ZNF891: variants seen among roughly 807,000 people sequenced by gnomAD.
ZNF891 encodes the protein hCG1646157.
For synonymous variants in ZNF891, 199 were observed against 209.0 expected (o/e 0.95, Z 0.41); for missense variants, 589 against 632.7 (o/e 0.93, Z 0.74).
In ZNF891 at chr12:133,110,546, ACAAT is replaced by A. The variant is rs1206055455; in HGVS notation, c.*9734_*9737del. 1 of 152,216 alleles carries A rather than the reference ACAAT, an allele frequency of 6.6e-6. No homozygotes were observed. Among genetic ancestry groups the A allele is most frequent in the Non-Finnish European group, 1.5e-5 (1 of 68,044 alleles). 9.4% of individuals were successfully genotyped at this position (152,216 alleles called of 1,614,324 possible). On this transcript the variant is annotated 3_prime_UTR_variant, in exon 2 of 2. Coordinates refer to ENST00000537226, the MANE Select transcript of ZNF891 (RefSeq NM_001277291.2). ...CAATTCTGTATTTTCTTGGAAAGCA[ACAAT>A]CAAATGCTTTGGGAGACTTAAGATA...
rs1955663712 is a variant in ZNF891 at position 133,109,354 on chromosome 12, C to T, written c.*10930G>A. On this transcript the variant is annotated 3_prime_UTR_variant, in exon 2 of 2. Transcript: ENST00000537226. ...CATGGGAGGGGTTGGGTAAAATCTG[C>T]ACAAGAGTCCAAGGGATGCACTGTT... 6.6e-6 allele frequency: 1 copy of T among 152,134 alleles called. No homozygotes were observed. Among genetic ancestry groups the T allele is most frequent in the Non-Finnish European group, 1.5e-5 (1 of 68,026 alleles). The allele number at this position is 152,134 out of a possible 1,614,324, so 9.4% of individuals were successfully genotyped here. A position where few individuals can be genotyped will look rare whatever the true frequency, so the allele number is the denominator to read the frequency against.
In ZNF891 at chr12:133,116,476, G is replaced by A. The variant is rs11614923; in HGVS notation, c.*3808C>T. The A allele has an allele frequency of 0.19, 28,728 of 152,098 alleles. 3,485 individuals are homozygous for A. The highest frequency in any genetic ancestry group is 0.26 in the Non-Finnish European group (17,983 of 68,034). The allele number at this position is 152,098 out of a possible 1,614,324, so 9.4% of individuals were successfully genotyped here. A position where few individuals can be genotyped will look rare whatever the true frequency, so the allele number is the denominator to read the frequency against. On this transcript the variant is annotated 3_prime_UTR_variant, in exon 2 of 2. Coordinates refer to ENST00000537226, the MANE Select transcript of ZNF891 (RefSeq NM_001277291.2). Reference sequence around the variant, plus strand: ...GGGCTGCTAACACCTGAAACCACTTGGTTTCACAGCATGACTGCAGGCTCT... The same window carrying A: ...GGGCTGCTAACACCTGAAACCACTTAGTTTCACAGCATGACTGCAGGCTCT...
chr12:133,127,550 A>G (rs1271985100), intron 1 of ZNF891, among the ~76,000 whole-genome samples: 1 of 152,136 alleles, frequency 6.6e-6, no homozygotes, highest in Non-Finnish European at 1.5e-5. Flanking sequence ...ACACCACACA[A>G]ATGTGAGGAA....
chr12:133,108,783 AAT>A lies in ZNF891; in HGVS notation c.*11499_*11500del, dbSNP rs1955658120. 1 of 152,246 alleles carries A rather than the reference AAT, an allele frequency of 6.6e-6. No homozygotes were observed. Among genetic ancestry groups the A allele is most frequent in the South Asian group, 2.1e-4 (1 of 4,834 alleles). 9.4% of individuals were successfully genotyped at this position (152,246 alleles called of 1,614,324 possible). A position where few individuals can be genotyped will look rare whatever the true frequency, so the allele number is the denominator to read the frequency against. ...AATTACAATGCAATACTTAAATTTT[AAT>A]ACTCTTGTAGGAGAAAAAGCAACTG... On this transcript the variant is annotated 3_prime_UTR_variant, in exon 2 of 2. Transcript: ENST00000537226.
rs1955760373 is a variant in ZNF891, at chr12:133,121,515, G to A, written c.404C>T (p.Ser135Phe). 1 of 1,536,262 alleles carries A rather than the reference G, an allele frequency of 6.5e-7. No individual in the cohort carries two copies. Among genetic ancestry groups the A allele is most frequent in the Non-Finnish European group, 8.7e-7 (1 of 1,146,938 alleles). The stretch of plus-strand genomic sequence containing the variant: ...GAGTTTTATCATTTTCACTGCATTG[G>A]ATGGTTCCTCCCACAAAATTTTCTG... ...TVQKILWEEP[S>F]NAVKMIKLTM... Residue 135 changes from serine to phenylalanine, a missense_variant, in exon 2 of 2, where the codon TCC becomes TTC. Ser to Phe is a radical substitution (Grantham distance 155, BLOSUM62 -2). Transcript: ENST00000537226.
Position 133,121,491 on chromosome 12 carries a change from A to C in ZNF891, c.428T>G (p.Leu143Arg), listed in dbSNP as rs1415878859. Residue 143 changes from leucine to arginine, a missense_variant, in exon 2 of 2, where the codon CTC becomes CGC. Coordinates refer to ENST00000537226, the MANE Select transcript of ZNF891 (RefSeq NM_001277291.2). ...EPSNAVKMIK[L>R]TMHNWSSTLR... The stretch of plus-strand genomic sequence containing the variant: ...TGTGGAGGACCAATTATGCATTGTG[A>C]GTTTTATCATTTTCACTGCATTGGA... 13 of 1,535,996 alleles carry C rather than the reference A, an allele frequency of 8.5e-6. No homozygotes were observed. Among genetic ancestry groups the C allele is most frequent in the Non-Finnish European group, 1.1e-5 (13 of 1,146,938 alleles).
intron 1 of ZNF891, among the ~76,000 whole-genome samples, 155 bp downstream of exon 1, chr12:133,130,072 C>A (rs992097823): frequency 6.6e-6 from 1 of 152,240 alleles, no homozygotes; most frequent in Admixed American, 6.5e-5. Flanking sequence ...AGCCCCTCCT[C>A]CCTCAAGGGC....
At position 133,119,060 on chromosome 12, in the gene ZNF891, T is replaced by A. The variant is rs1250522480; in HGVS notation, c.*1224A>T. 6.6e-6 allele frequency: 1 copy of A among 151,872 alleles called. No individual in the cohort carries two copies. Among genetic ancestry groups the A allele is most frequent in the African/African-American group, 2.4e-5 (1 of 41,330 alleles). The allele number at this position is 151,872 out of a possible 1,614,324, so 9.4% of individuals were successfully genotyped here. On this transcript the variant is annotated 3_prime_UTR_variant, in exon 2 of 2. Transcript: ENST00000537226. The stretch of plus-strand genomic sequence containing the variant: ...GTAGGAAGAGCCTGTCTCTACAAAA[T>A]ATATATTTTTAAAATTAGCCAGGCA...
Position 133,105,565 on chromosome 12 carries a change from T to A in ZNF891, c.*14719A>T. 2 of 1,613,490 alleles carry A rather than the reference T, an allele frequency of 1.2e-6. No homozygotes were observed. The highest frequency in any genetic ancestry group is 2.2e-5 in the South Asian group (2 of 90,880). ...TTTCACCAAAAAATGTCATTTATGATGACTCATCCCAGTATTTGATCATGG... is the reference window on the plus strand; with the variant it reads ...TTTCACCAAAAAATGTCATTTATGAAGACTCATCCCAGTATTTGATCATGG... On this transcript the variant is annotated 3_prime_UTR_variant, in exon 2 of 2. Transcript: ENST00000537226.
rs1955732880 is a variant in ZNF891 at position 133,119,174 on chromosome 12, C to G, written c.*1110G>C. 3 of 151,236 alleles carry G rather than the reference C, an allele frequency of 2.0e-5. No homozygotes were observed. Among genetic ancestry groups the G allele is most frequent in the African/African-American group, 7.3e-5 (3 of 41,080 alleles). 9.4% of individuals were successfully genotyped at this position (151,236 alleles called of 1,614,324 possible). A position where few individuals can be genotyped will look rare whatever the true frequency, so the allele number is the denominator to read the frequency against. ...GGTCGAGGTTGCAATGAGCCATGAC[C>G]ACACCACTGCATTCTAGCCTGAGAG... On this transcript the variant is annotated 3_prime_UTR_variant, in exon 2 of 2. Coordinates refer to ENST00000537226, the MANE Select transcript of ZNF891 (RefSeq NM_001277291.2).
rs1955679291 is a variant in ZNF891, at chr12:133,111,014, A to T, written c.*9270T>A. 6.6e-6 allele frequency: 1 copy of T among 152,218 alleles called. No individual in the cohort carries two copies. The highest frequency in any genetic ancestry group is 1.5e-5 in the Non-Finnish European group (1 of 68,072). 9.4% of individuals were successfully genotyped at this position (152,218 alleles called of 1,614,324 possible). On this transcript the variant is annotated 3_prime_UTR_variant, in exon 2 of 2. Transcript: ENST00000537226. The stretch of plus-strand genomic sequence containing the variant: ...AGAGAAAAAGGACAGGAAATTTGTT[A>T]AATCCCTCTGAAGAGATCCAAGAAA...
chr12:133,130,041 C>T (rs1324698864), intron 1 of ZNF891, among the ~76,000 whole-genome samples, 186 bp downstream of exon 1: 2 of 152,196 alleles, frequency 1.3e-5, no homozygotes, highest in African/African-American at 4.8e-5. Context: ...GCTCCCCGCG[C>T]TCCACTCGCA....
In ZNF891 at chr12:133,120,834, G is replaced by A. The variant is rs1005624678; in HGVS notation, c.1085C>T (p.Thr362Ile). Residue 362 changes from threonine (T) to isoleucine (I), a missense_variant, in exon 2 of 2, where the codon ACC becomes ATC. Transcript: ENST00000537226. ...ECGKVFNDSSTLRRHVRTHTG... is the reference protein window; with the variant it reads ...ECGKVFNDSSILRRHVRTHTG... ...GTGAGTTCTTACATGTCTCCTTAAG[G>A]TTGAGGAATCATTGAACACTTTACC... The A allele has an allele frequency of 6.4e-7, 1 of 1,558,154 alleles. No homozygotes were observed. Among genetic ancestry groups the A allele is most frequent in the Non-Finnish European group, 8.7e-7 (1 of 1,153,394 alleles).
Position 133,105,864 on chromosome 12 carries a change from A to G in ZNF891, c.*14420T>C. On this transcript the variant is annotated 3_prime_UTR_variant, in exon 2 of 2. Transcript: ENST00000537226. The stretch of plus-strand genomic sequence containing the variant: ...CCATATGCATGTAAGGAATGTGGCA[A>G]AACCTTTAGCCAGATTTCAAACCTT... 2 of 1,614,194 alleles carry G rather than the reference A, an allele frequency of 1.2e-6. No individual in the cohort carries two copies. The highest frequency in any genetic ancestry group is 1.7e-6 in the Non-Finnish European group (2 of 1,180,050).
chr12:133,120,559 GA>G lies in ZNF891; in HGVS notation c.1359del (p.His454IlefsTer26). On this transcript the variant is annotated frameshift_variant, in exon 2 of 2. Coordinates refer to ENST00000537226, the MANE Select transcript of ZNF891 (RefSeq NM_001277291.2). LOFTEE classifies it low-confidence loss of function (END_TRUNC). Reference sequence around the variant, plus strand: ...CATTCATAAACATTCTCTCCGGTATGAATTTTCTTATGAACTTTAAGGTGAG... The same window carrying G: ...CATTCATAAACATTCTCTCCGGTATGATTTTCTTATGAACTTTAAGGTGAG... ...TSSHLKVHKK[I>X]HTGENVYECS... 6.4e-7 allele frequency: 1 copy of G among 1,560,762 alleles called. No homozygotes were observed. Among genetic ancestry groups the G allele is most frequent in the Non-Finnish European group, 8.7e-7 (1 of 1,153,954 alleles).
chr12:133,117,236 G>A lies in ZNF891; in HGVS notation c.*3048C>T, dbSNP rs1593823149. The A allele has an allele frequency of 6.6e-6, 1 of 152,082 alleles. No individual in the cohort carries two copies. The highest frequency in any genetic ancestry group is 1.5e-5 in the Non-Finnish European group (1 of 68,010). 9.4% of individuals were successfully genotyped at this position (152,082 alleles called of 1,614,324 possible). ...CATATATCTATATTTTACTGGCCAG[G>A]AACAGTAGAAATGGCATCAAGGCTA... On this transcript the variant is annotated 3_prime_UTR_variant, in exon 2 of 2. Transcript: ENST00000537226.
Position 133,120,939 on chromosome 12 carries a change from T to C in ZNF891, c.980A>G (p.Lys327Arg), listed in dbSNP as rs781426884. The change falls in exon 2 of 2, where the codon AAA becomes AGA. Residue 327 changes from lysine (K) to arginine (R), a missense_variant. Transcript: ENST00000537226. ...AAGATTAGAAATCCTTTTGAAGGCT[T>C]TTCCACATTGATTGCATTCATGTTT... is the stretch of plus-strand genomic sequence containing the variant. ...EKKHECNQCG[K>R]AFKRISNLTL... is the part of the protein sequence containing the mutation. The C allele has an allele frequency of 1.3e-6, 2 of 1,536,348 alleles. No individual in the cohort carries two copies. The highest frequency in any genetic ancestry group is 2.4e-5 in the East Asian group (1 of 40,902).
chr12:133,105,938 G>A lies in ZNF891; in HGVS notation c.*14346C>T. 6.2e-7 allele frequency: 1 copy of A among 1,614,098 alleles called. No individual in the cohort carries two copies. Among genetic ancestry groups the A allele is most frequent in the Non-Finnish European group, 8.5e-7 (1 of 1,180,028 alleles). ...TGGAAAGAAACCCCATGAGTGTAAG[G>A]ACTGTAATAAAACATTCAGTTACCT... On this transcript the variant is annotated 3_prime_UTR_variant, in exon 2 of 2. Transcript: ENST00000537226.
rs11615248 is a variant in ZNF891, at chr12:133,121,951, G to C, written c.-33C>G. On this transcript the variant is annotated 5_prime_UTR_variant, in exon 2 of 2. Transcript: ENST00000537226. ...GTACATAAGCCTGCACAGTAGAGTA[G>C]AGAGATCAGGATGTTTCTGTTCTTG... The C allele has an allele frequency of 0.24, 362,788 of 1,491,520 alleles. 46,407 individuals carry two copies. Among genetic ancestry groups the C allele is most frequent in the Middle Eastern group, 0.26 (1,511 of 5,728 alleles). The allele number at this position is 1,491,520 out of a possible 1,614,324, so 92.4% of individuals were successfully genotyped here. A position where few individuals can be genotyped will look rare whatever the true frequency, so the allele number is the denominator to read the frequency against.
Sources: allele counts gnomAD v4.1 joint callset (sites outside exome capture counted in the v4.1 genomes callset), GRCh38; gene constraint gnomAD v4.1.1; transcripts MANE v1.5; gene names NCBI Gene and HGNC (gene_info 2026-07-23, HGNC 2026-07-21).